Variants in OSBPL1A observed in about 807,000 individuals in gnomAD.
The protein encoded by OSBPL1A is oxysterol binding protein like 1A.
OSBPL1A carries 80 observed loss-of-function variants against 137.1 expected under a neutral mutation model. That is an observed-to-expected ratio of 0.58 (90% CI 0.49 to 0.70). The LOEUF (loss-of-function observed/expected upper bound fraction) is 0.70, where lower values mean the gene tolerates loss of function less well. OSBPL1A is among the 30% of genes least tolerant of loss of function. OSBPL1A has a pLI of 0.00. For missense variants in OSBPL1A, 970 were observed against 1,129.4 expected (o/e 0.86, Z 2.02); for synonymous variants, 365 against 389.7 (o/e 0.94, Z 0.75).
At chr18:24,217,258 C>CTTTTTTTTTTTTTTTTTTTTTTCTTT (rs562612104) in intron 17 of OSBPL1A, among the ~76,000 whole-genome samples, 1 of 131,504 alleles carries the variant, frequency 7.6e-6, no homozygotes. Flanking sequence ...AAGTTTTGCT[C>CTTTTTTTTTTTTTTTTTTTTTTCTTT]TTTTTTTTTT....
chr18:24,249,643 C>T (rs1021261543), intron 15 of OSBPL1A, among the ~76,000 whole-genome samples: 1 of 152,160 alleles, frequency 6.6e-6, no homozygotes, highest in African/African-American at 2.4e-5. Flanking sequence ...ACTCATTGCT[C>T]CCCTGTCATA....
At chr18:24,370,599 C>G (rs1905546626) in intron 2 of OSBPL1A, among the ~76,000 whole-genome samples, 1 of 152,176 alleles carries the variant, frequency 6.6e-6, no homozygotes, top group Non-Finnish European at 1.5e-5. Context: ...CCCAAGCACT[C>G]CCAACTTCCC....
intron 1 of OSBPL1A, among the ~76,000 whole-genome samples, chr18:24,393,960 G>A (rs942092713): frequency 1.3e-5 from 2 of 152,154 alleles, no homozygotes; most frequent in African/African-American, 4.8e-5. Flanking sequence ...CCTATTTTGG[G>A]AAGCACTAAC....
chr18:24,390,308 T>C (rs1409434852), intron 1 of OSBPL1A, among the ~76,000 whole-genome samples: 1 of 152,240 alleles, frequency 6.6e-6, no homozygotes, highest in Admixed American at 6.5e-5. Context: ...GATATTTGTA[T>C]TCCCATGTTC....
At chr18:24,314,128 T>TA (rs1014132792) in intron 12 of OSBPL1A, 121 bp downstream of exon 12, 2 of 583,286 alleles carry the variant, frequency 3.4e-6, no homozygotes, top group Admixed American at 3.6e-5. Context: ...AATAAAAATT[T>TA]AAAAAAATTA....
intron 17 of OSBPL1A, among the ~76,000 whole-genome samples, chr18:24,202,638 G>C (rs150645277): frequency 4.6e-5 from 7 of 152,294 alleles, no homozygotes; most frequent in African/African-American, 1.7e-4. Context: ...AACATAAACA[G>C]CTATCATTCA....
At chr18:24,385,745 T>C (rs952001968) in intron 1 of OSBPL1A, among the ~76,000 whole-genome samples, 3 of 152,102 alleles carry the variant, frequency 2.0e-5, no homozygotes, top group Admixed American at 6.6e-5. Flanking sequence ...GGCAAAAACA[T>C]AGGTTTTGGT....
At chr18:24,180,244 T>C (rs2086564973) in intron 19 of OSBPL1A, among the ~76,000 whole-genome samples, 1 of 152,172 alleles carries the variant, frequency 6.6e-6, no homozygotes, top group Non-Finnish European at 1.5e-5. Context: ...CTGACTTATA[T>C]AGATGAAAGG....
intron 21 of OSBPL1A, 41 bp from the exon 22 acceptor site, chr18:24,172,524 A>T: frequency 7.1e-7 from 1 of 1,404,638 alleles, no homozygotes; most frequent in Non-Finnish European, 1.0e-6. Context: ...AGTGAGAGGT[A>T]TCACTTTGTT....
intron 13 of OSBPL1A, chr18:24,311,595 G>C: frequency 1.5e-6 from 1 of 666,708 alleles, no homozygotes; most frequent in Non-Finnish European, 1.9e-6. Flanking sequence ...AACCAGGAAA[G>C]GTATCACTAT....
intron 15 of OSBPL1A, among the ~76,000 whole-genome samples, chr18:24,266,305 G>T (rs778954688): frequency 2.0e-5 from 3 of 152,152 alleles, no homozygotes; most frequent in Non-Finnish European, 2.9e-5. Context: ...AAACAATGGT[G>T]AGCCTTTGAG....
chr18:24,199,216 C>T (rs769748266), intron 17 of OSBPL1A, among the ~76,000 whole-genome samples: 1 of 151,910 alleles, frequency 6.6e-6, no homozygotes, highest in African/African-American at 2.4e-5. Flanking sequence ...TGATCCGAGG[C>T]GAGGCAAAGG....
intron 18 of OSBPL1A, among the ~76,000 whole-genome samples, chr18:24,191,530 A>G (rs988514089): frequency 1.2e-5 from 1 of 80,514 alleles, no homozygotes; most frequent in African/African-American, 5.0e-5. Context: ...ATTTTCACTC[A>G]TAACATTTTA....
At chr18:24,384,763 G>C (rs1447275110) in intron 1 of OSBPL1A, among the ~76,000 whole-genome samples, 1 of 151,660 alleles carries the variant, frequency 6.6e-6, no homozygotes, top group Non-Finnish European at 1.5e-5. Flanking sequence ...CCAGCTACTT[G>C]AGAGGCTGAG....
chr18:24,390,696 A>C (rs1213208130), intron 1 of OSBPL1A, among the ~76,000 whole-genome samples: 1 of 54,762 alleles, frequency 1.8e-5, no homozygotes, highest in African/African-American at 9.2e-5. Flanking sequence ...CTCCGTCTCA[A>C]AAAAAAAAAA....
intron 15 of OSBPL1A, among the ~76,000 whole-genome samples, chr18:24,265,183 CAAGT>C (rs1210247565): frequency 6.6e-6 from 1 of 152,124 alleles, no homozygotes; most frequent in Non-Finnish European, 1.5e-5. Context: ...AGTTCTAACA[CAAGT>C]AAGAAATTTT....
chr18:24,321,724 G>C (rs769415707), intron 7 of OSBPL1A: 1 of 515,564 alleles, frequency 1.9e-6, no homozygotes, highest in East Asian at 5.5e-5. Context: ...GGAAAAGCTG[G>C]GTTGAGAGGG....
At chr18:24,166,741 G>C in intron 25 of OSBPL1A, 39 bp from the exon 26 acceptor site, 1 of 1,582,616 alleles carries the variant, frequency 6.3e-7, no homozygotes, top group Non-Finnish European at 8.6e-7. Flanking sequence ...AATATGCCAA[G>C]GCATAATGCA....
At chr18:24,166,196 C>T (rs1223744028) in intron 26 of OSBPL1A, among the ~76,000 whole-genome samples, 13 of 152,168 alleles carry the variant, frequency 8.5e-5, no homozygotes, top group Admixed American at 7.9e-4. Context: ...TAAGTATATA[C>T]ACCTACTTAT....
Sources: allele counts gnomAD v4.1 joint callset (sites outside exome capture counted in the v4.1 genomes callset), GRCh38; gene constraint gnomAD v4.1.1; transcripts MANE v1.5; gene names NCBI Gene and HGNC (gene_info 2026-07-23, HGNC 2026-07-21).